The following SNTB2 variants were observed in gnomAD, a reference collection of about 807,000 sequenced individuals.
The protein encoded by SNTB2 is beta-2-syntrophin.
SNTB2 carries 34 observed loss-of-function variants against 46.2 expected under a neutral mutation model. The ratio of observed to expected loss-of-function variants is 0.74; its 90% CI spans 0.56 to 0.98. The LOEUF is 0.98. SNTB2 is among the 50% of genes least tolerant of loss of function. SNTB2 has a pLI of 0.00. For synonymous variants in SNTB2, 290 were observed against 312.6 expected (o/e 0.93, Z 0.76); for missense variants, 603 against 731.4 (o/e 0.82, Z 2.02).
In SNTB2 at chr16:69,290,296, AT is replaced by A. The variant is rs1965148144; in HGVS notation, c.1345+6053del. ...GATTTGAAACTATTTTAAAAATTGT[AT>A]AGTATACTTTTAAAGGCTTATTTTC... On this transcript the variant is annotated intron_variant, in intron 5 of 6. Coordinates refer to ENST00000336278, the MANE Select transcript of SNTB2 (RefSeq NM_006750.4). Among the ~76,000 whole-genome samples the A allele has an allele frequency of 2.6e-5, 4 of 152,320 alleles. No individual in the cohort carries two copies. The South Asian group carries it at 6.2e-4, about 24-fold the overall frequency.
At chr16:69,288,270 A>G (rs1965125151) in intron 5 of SNTB2, among the ~76,000 whole-genome samples, 1 of 152,202 alleles carries the variant, frequency 6.6e-6, no homozygotes, top group Admixed American at 6.5e-5. Flanking sequence ...TTTGGTGTCT[A>G]GCAGCTAAAT....
chr16:69,282,030 C>T (rs999932487), intron 4 of SNTB2, among the ~76,000 whole-genome samples: 4 of 149,058 alleles, frequency 2.7e-5, no homozygotes, highest in African/African-American at 4.9e-5. Flanking sequence ...CTCAGCCTTC[C>T]GAGTAGCTGA....
At chr16:69,196,866 C>G (rs1177183371) in intron 1 of SNTB2, among the ~76,000 whole-genome samples, 1 of 152,196 alleles carries the variant, frequency 6.6e-6, no homozygotes, top group Non-Finnish European at 1.5e-5. Flanking sequence ...GACTGCCTCT[C>G]TGGTGGATCA....
At chr16:69,235,827 A>G in intron 1 of SNTB2, 1 of 1,289,280 alleles carries the variant, frequency 7.8e-7, no homozygotes, top group Non-Finnish European at 1.0e-6. Flanking sequence ...AATATCCTGG[A>G]ATTGTGGTGA....
intron 4 of SNTB2, among the ~76,000 whole-genome samples, chr16:69,275,863 T>G (rs1964981446): frequency 6.6e-6 from 1 of 152,034 alleles, no homozygotes; most frequent in Non-Finnish European, 1.5e-5. Flanking sequence ...TCCTGAAAAA[T>G]TAAGAGTTGA....
chr16:69,235,918 C>G (rs897067904), intron 1 of SNTB2: 2 of 1,173,206 alleles, frequency 1.7e-6, no homozygotes, highest in Middle Eastern at 2.3e-4. Flanking sequence ...TATAGAATTA[C>G]TGGTTTATCT....
In SNTB2 at chr16:69,213,822, C is replaced by CTTTT. The variant is rs35759695; in HGVS notation, c.580+26095_580+26098dup. Among the ~76,000 whole-genome samples, 94 of 91,640 alleles carry CTTTT rather than the reference C, an allele frequency of 1.0e-3. 1 individual carries two copies. Among genetic ancestry groups the CTTTT allele is most frequent in the African/African-American group, 1.2e-3 (27 of 22,108 alleles). The allele number at this position is 91,640 out of a possible 152,430, so 60.1% of individuals were successfully genotyped here. On this transcript the variant is annotated intron_variant, in intron 1 of 6. Transcript: ENST00000336278. ...TGATAAATACTATCATTTTAGAGTT[C>CTTTT]TTTTTTTTTTTTTTTTTTTTTTGAG...
At chr16:69,257,759 A>G (rs952373035) in intron 2 of SNTB2, among the ~76,000 whole-genome samples, 1 of 151,996 alleles carries the variant, frequency 6.6e-6, no homozygotes, top group Non-Finnish European at 1.5e-5. Context: ...CTCTTATTTT[A>G]TGTCTTCTAT....
chr16:69,240,735 TG>T (rs1394468901), intron 1 of SNTB2: 2 of 152,234 alleles, frequency 1.3e-5, no homozygotes, highest in Non-Finnish European at 2.9e-5. Flanking sequence ...AACGATTATA[TG>T]AGAAGTTGAT....
rs1300977685 is a variant in SNTB2 at position 69,281,568 on chromosome 16, TGGCTG to T, written c.1149-2476_1149-2472del. 2.0e-5 allele frequency among the ~76,000 whole-genome samples: 3 copies of T among 151,850 alleles called. No homozygotes were observed. The East Asian group carries it at 5.8e-4, about 29-fold the overall frequency. ...ATTTGTTGAAAAGACAGACGATTCT[TGGCTG>T]GGCACGGTGGCTCACGCCTGTAATC... On this transcript the variant is annotated intron_variant, in intron 4 of 6. Transcript: ENST00000336278.
intron 1 of SNTB2, chr16:69,242,037 A>G (rs1964621703): frequency 6.6e-6 from 1 of 151,968 alleles, no homozygotes; most frequent in African/African-American, 2.4e-5. Flanking sequence ...ATTAGAGCTT[A>G]GAATTCAGTA....
Position 69,245,009 on chromosome 16 carries a change from G to C in SNTB2, c.581-593G>C, listed in dbSNP as rs1964655517. 2.0e-5 allele frequency among the ~76,000 whole-genome samples: 3 copies of C among 152,224 alleles called. No homozygotes were observed. In the South Asian group the frequency reaches 6.2e-4, roughly 31 times the overall value. ...AAAAATCTGTCTTCAGATAATTACA[G>C]AGTTCTCATGTAGAAGAGAGATTAA... On this transcript the variant is annotated intron_variant, in intron 1 of 6. Coordinates refer to ENST00000336278, the MANE Select transcript of SNTB2 (RefSeq NM_006750.4).
chr16:69,217,512 C>G (rs1567400157), intron 1 of SNTB2, among the ~76,000 whole-genome samples: 1 of 152,152 alleles, frequency 6.6e-6, no homozygotes, highest in South Asian at 2.1e-4. Flanking sequence ...CTCACTTACT[C>G]TCATAACTGG....
At chr16:69,206,440 G>A (rs11643850) in intron 1 of SNTB2, among the ~76,000 whole-genome samples, 2 of 151,890 alleles carry the variant, frequency 1.3e-5, no homozygotes, top group Non-Finnish European at 2.9e-5. Flanking sequence ...GGTGGCTCAC[G>A]CCTGTAATCC....
chr16:69,280,014 C>T (rs1043510492), intron 4 of SNTB2, among the ~76,000 whole-genome samples: 3 of 152,080 alleles, frequency 2.0e-5, no homozygotes, highest in African/African-American at 2.4e-5. Context: ...TGCGGCCTTC[C>T]GCAGTGTTTG....
At position 69,302,101 on chromosome 16, in the gene SNTB2, A is replaced by C. The variant is rs1965281014; in HGVS notation, c.*1177A>C. ...TGTGGCAGCAGTGGCATGGACAAGCAACTGCTAATTCGAGACTTACTATTG... is the reference window on the plus strand; with the variant it reads ...TGTGGCAGCAGTGGCATGGACAAGCCACTGCTAATTCGAGACTTACTATTG... On this transcript the variant is annotated 3_prime_UTR_variant, in exon 7 of 7. Coordinates refer to ENST00000336278, the MANE Select transcript of SNTB2 (RefSeq NM_006750.4). 1 of 152,176 alleles carries C rather than the reference A, an allele frequency of 6.6e-6. No homozygotes were observed. The highest frequency in any genetic ancestry group is 2.4e-5 in the African/African-American group (1 of 41,438). The allele number at this position is 152,176 out of a possible 1,614,324, so 9.4% of individuals were successfully genotyped here.
intron 2 of SNTB2, among the ~76,000 whole-genome samples, chr16:69,253,897 G>A (rs1964748969): frequency 6.6e-6 from 1 of 152,150 alleles, no homozygotes; most frequent in Admixed American, 6.5e-5. Context: ...GGAATTGTAT[G>A]ATGTGTAAAG....
intron 6 of SNTB2, among the ~76,000 whole-genome samples, chr16:69,300,188 G>A (rs1384810286): frequency 6.6e-6 from 1 of 152,138 alleles, no homozygotes; most frequent in Non-Finnish European, 1.5e-5. Flanking sequence ...GTGAGCCACT[G>A]TATCTGCTCT....
intron 1 of SNTB2, among the ~76,000 whole-genome samples, chr16:69,229,842 C>T (rs1289943000): frequency 9.2e-6 from 1 of 108,114 alleles, no homozygotes; most frequent in Admixed American, 9.9e-5. Context: ...GACCCTGTCT[C>T]AAAAAAAAAA....
Sources: allele counts gnomAD v4.1 joint callset (sites outside exome capture counted in the v4.1 genomes callset), GRCh38; gene constraint gnomAD v4.1.1; transcripts MANE v1.5; gene names NCBI Gene and HGNC (gene_info 2026-07-23, HGNC 2026-07-21).